CAMTA1: variants seen among roughly 807,000 people sequenced by gnomAD.
CAMTA1 encodes calmodulin binding transcription activator 1.
In CAMTA1, 27 loss-of-function variants were observed where a neutral mutation model predicts 170.9. The ratio of observed to expected loss-of-function variants is 0.16; its 90% CI spans 0.12 to 0.22. The LOEUF (loss-of-function observed/expected upper bound fraction) is 0.22, where lower values mean the gene tolerates loss of function less well. Ranked by LOEUF, CAMTA1 falls within the 10% of genes least tolerant of loss-of-function variation. The pLI is 1.00. For synonymous variants in CAMTA1, 833 were observed against 891.5 expected, an observed-to-expected ratio of 0.93 and a Z score of 1.17; for missense variants, 1,619 against 2,217.2, an observed-to-expected ratio of 0.73 and a Z score of 5.42.
intron 1 of CAMTA1, among the ~76,000 whole-genome samples, chr1:6,796,348 G>A (rs1421754429): frequency 6.6e-6 from 1 of 151,932 alleles, no homozygotes; most frequent in African/African-American, 2.4e-5. Context: ...GTGTTGCCCA[G>A]GCTGGTCTCC....
chr1:6,957,121 T>C (rs1261042893), intron 3 of CAMTA1, among the ~76,000 whole-genome samples: 1 of 152,204 alleles, frequency 6.6e-6, no homozygotes, highest in Admixed American at 6.5e-5. Flanking sequence ...GATGGAGGCT[T>C]GCTTCAGATG....
At chr1:7,191,605 C>A (rs1654532646) in intron 4 of CAMTA1, among the ~76,000 whole-genome samples, 1 of 152,178 alleles carries the variant, frequency 6.6e-6, no homozygotes, top group Admixed American at 6.5e-5. Context: ...ATCAGCTTAA[C>A]AGAACCCTGA....
intron 3 of CAMTA1, among the ~76,000 whole-genome samples, chr1:7,032,032 C>A (rs1702887510): frequency 6.6e-6 from 1 of 152,030 alleles, no homozygotes; most frequent in Non-Finnish European, 1.5e-5. Context: ...GTGGCATGAT[C>A]TTGGCTCACT....
At chr1:7,433,501 C>G (rs1475206915) in intron 5 of CAMTA1, among the ~76,000 whole-genome samples, 1 of 152,142 alleles carries the variant, frequency 6.6e-6, no homozygotes, top group Non-Finnish European at 1.5e-5. Flanking sequence ...CTCCAGGTAC[C>G]CACTTCTCAG....
chr1:7,374,037 G>T (rs77507798), intron 5 of CAMTA1, among the ~76,000 whole-genome samples: 4,609 of 152,320 alleles, frequency 0.03, 215 homozygotes, highest in African/African-American at 0.1. Context: ...CCTGCCCAGG[G>T]AGAAGGACCC....
chr1:7,253,434 T>C (rs990110846), intron 5 of CAMTA1, among the ~76,000 whole-genome samples: 3 of 152,200 alleles, frequency 2.0e-5, no homozygotes, highest in African/African-American at 4.8e-5. Context: ...CGCATCTCTC[T>C]GCTGAGAGTG....
intron 4 of CAMTA1, among the ~76,000 whole-genome samples, chr1:7,153,046 T>C (rs1646667003): frequency 6.6e-6 from 1 of 152,342 alleles, no homozygotes; most frequent in South Asian, 2.1e-4. Flanking sequence ...GGTCATTTCA[T>C]AGACACTTGA....
intron 4 of CAMTA1, among the ~76,000 whole-genome samples, chr1:7,226,479 A>C (rs1254921238): frequency 6.6e-6 from 1 of 152,184 alleles, no homozygotes; most frequent in Admixed American, 6.5e-5. Flanking sequence ...ATAAAGATAG[A>C]ACAGGCTCAT....
chr1:7,511,908 T>C (rs1463435628), intron 6 of CAMTA1, among the ~76,000 whole-genome samples: 1 of 152,192 alleles, frequency 6.6e-6, no homozygotes, highest in Non-Finnish European at 1.5e-5. Context: ...GAAATCGCAG[T>C]CTGCAGGGAG....
In CAMTA1 at chr1:7,562,372, G is replaced by A. The variant is rs1343183743; in HGVS notation, c.511-78028G>A. Among the ~76,000 whole-genome samples, 1 of 152,174 alleles carries A rather than the reference G, an allele frequency of 6.6e-6. No homozygotes were observed. Among genetic ancestry groups the A allele is most frequent in the Non-Finnish European group, 1.5e-5 (1 of 68,018 alleles). On this transcript the variant is annotated intron_variant, in intron 6 of 22. Coordinates refer to ENST00000303635, the MANE Select transcript of CAMTA1 (RefSeq NM_015215.4). This position sits in a 1 kb window ranked among gnomAD's most constrained non-coding sequence, Gnocchi z 4.8. Reference sequence around the variant, plus strand: ...GCAGTGTAACTCAGTTGGGTATCAGGGCTGGTGGCAGCAGCAGGGCAGGCC... The same window carrying A: ...GCAGTGTAACTCAGTTGGGTATCAGAGCTGGTGGCAGCAGCAGGGCAGGCC...
Position 7,200,580 on chromosome 1 carries a change from T to A in CAMTA1, c.303-48911T>A, listed in dbSNP as rs953283727. On this transcript the variant is annotated intron_variant, in intron 4 of 22. Transcript: ENST00000303635. ...TCTTGAATCGGACATTTTTGACGAG[T>A]ACAGGCCTGCTATTTTGCAGCATGT... Among the ~76,000 whole-genome samples the A allele has an allele frequency of 8.5e-5, 13 of 152,154 alleles. No homozygotes were observed. The East Asian group carries it at 2.3e-3, about 27-fold the overall frequency.
intron 12 of CAMTA1, among the ~76,000 whole-genome samples, chr1:7,733,515 G>A (rs2096749258): frequency 6.6e-6 from 1 of 152,090 alleles, no homozygotes; most frequent in South Asian, 2.1e-4. Context: ...ACCAAACATT[G>A]TTTCAGAGTC....
intron 3 of CAMTA1, among the ~76,000 whole-genome samples, chr1:6,990,728 A>C (rs1696213923): frequency 6.6e-6 from 1 of 151,522 alleles, no homozygotes; most frequent in African/African-American, 2.4e-5. Flanking sequence ...ACCATTAGTT[A>C]TTTTTGCCTA....
intron 4 of CAMTA1, among the ~76,000 whole-genome samples, chr1:7,199,894 C>T (rs377504014): frequency 6.6e-6 from 1 of 152,210 alleles, no homozygotes; most frequent in East Asian, 1.9e-4. Context: ...GTACCTGGCC[C>T]CATCCTCCCC....
At chr1:7,710,169 A>T (rs1057268303) in intron 11 of CAMTA1, among the ~76,000 whole-genome samples, 1 of 152,230 alleles carries the variant, frequency 6.6e-6, no homozygotes, top group Non-Finnish European at 1.5e-5. Context: ...TGTCTTACTG[A>T]ATGTTTTGGC....
At chr1:7,430,125 ACAATGATGG>A (rs1004852241) in intron 5 of CAMTA1, among the ~76,000 whole-genome samples, 8 of 152,170 alleles carry the variant, frequency 5.3e-5, no homozygotes, top group African/African-American at 1.9e-4. Flanking sequence ...GATGTTGATG[ACAATGATGG>A]CAATGATGGG....
intron 3 of CAMTA1, among the ~76,000 whole-genome samples, chr1:6,980,281 CCT>C (rs1356535450): frequency 6.6e-6 from 1 of 152,164 alleles, no homozygotes; most frequent in Non-Finnish European, 1.5e-5. Flanking sequence ...CATCCAGAAT[CCT>C]CTGTCTCCCT....
Position 7,570,991 on chromosome 1 carries a change from G to C in CAMTA1, c.511-69409G>C, listed in dbSNP as rs950204337. On this transcript the variant is annotated intron_variant, in intron 6 of 22. Coordinates refer to ENST00000303635, the MANE Select transcript of CAMTA1 (RefSeq NM_015215.4). The surrounding 1 kb of genome is among the most constrained non-coding windows in gnomAD (Gnocchi z 4.3). ...GGATTAAAGGTGGTGTATCTGTAAG[G>C]TGTAAGGTGTCCCTCCCAGAGCCAG... is the stretch of plus-strand genomic sequence containing the variant. Among the ~76,000 whole-genome samples, 2 of 152,182 alleles carry C rather than the reference G, an allele frequency of 1.3e-5. No homozygotes were observed. The highest frequency in any genetic ancestry group is 1.3e-4 in the Admixed American group (2 of 15,282).
chr1:6,837,345 G>T (rs1653677033), intron 3 of CAMTA1, among the ~76,000 whole-genome samples: 1 of 152,138 alleles, frequency 6.6e-6, no homozygotes, highest in African/African-American at 2.4e-5. Context: ...TTGTGTTGGG[G>T]AGTGGAGGCT....
Sources: allele counts gnomAD v4.1 joint callset (sites outside exome capture counted in the v4.1 genomes callset), GRCh38; gene constraint gnomAD v4.1.1; non-coding constraint Gnocchi (gnomAD v3.1); transcripts MANE v1.5; gene names NCBI Gene and HGNC (gene_info 2026-07-23, HGNC 2026-07-21).